OXCT1: variants seen among roughly 807,000 people sequenced by gnomAD.
OXCT1 encodes the protein 3-oxoacid CoA-transferase 1.
In OXCT1, 27 loss-of-function variants were observed where a neutral mutation model predicts 69.6. That is an observed-to-expected ratio of 0.39 (90% CI 0.29 to 0.54). The LOEUF (loss-of-function observed/expected upper bound fraction) is 0.54. OXCT1 is among the 20% of genes least tolerant of loss of function. The probability of loss-of-function intolerance (pLI) is 0.72; values close to 1 mark genes in which losing one functional copy is unlikely to be tolerated. For synonymous variants in OXCT1, 202 were observed against 217.8 expected (o/e 0.93, Z 0.64); for missense variants, 437 against 650.2 (o/e 0.67, Z 3.57).
chr5:41,856,548 T>A (rs891300921), intron 3 of OXCT1, among the ~76,000 whole-genome samples: 10 of 152,136 alleles, frequency 6.6e-5, no homozygotes, highest in African/African-American at 2.4e-4. Flanking sequence ...TTCTCAGAAT[T>A]TCATTTCCAA....
chr5:41,805,274 C>T (rs765943500), intron 9 of OXCT1, among the ~76,000 whole-genome samples: 5 of 151,848 alleles, frequency 3.3e-5, no homozygotes, highest in Non-Finnish European at 7.4e-5. Flanking sequence ...TCTCTTTTCC[C>T]AATAATCTCC....
At chr5:41,798,433 G>A (rs920472214) in intron 11 of OXCT1, among the ~76,000 whole-genome samples, 1 of 152,132 alleles carries the variant, frequency 6.6e-6, no homozygotes, top group Non-Finnish European at 1.5e-5. Context: ...TGTCCTGGTT[G>A]CTGTGGGATG....
intron 13 of OXCT1, 32 bp downstream of exon 13, chr5:41,793,971 A>G (rs1213444090): frequency 3.1e-6 from 4 of 1,288,286 alleles, no homozygotes; most frequent in Non-Finnish European, 4.5e-6. Context: ...TTCTGATCCA[A>G]ACATAATTCA....
chr5:41,848,910 C>T (rs1749050915), intron 5 of OXCT1, among the ~76,000 whole-genome samples: 1 of 152,158 alleles, frequency 6.6e-6, no homozygotes, highest in Non-Finnish European at 1.5e-5. Flanking sequence ...AAAGCAATGG[C>T]AACAAAAGCC....
intron 16 of OXCT1, among the ~76,000 whole-genome samples, chr5:41,735,206 A>G (rs1442474416): frequency 6.6e-6 from 1 of 152,222 alleles, no homozygotes; most frequent in African/African-American, 2.4e-5. Context: ...ATGTCTACCA[A>G]CAGATGAGTG....
At chr5:41,830,006 T>G (rs1748011387) in intron 7 of OXCT1, among the ~76,000 whole-genome samples, 1 of 152,212 alleles carries the variant, frequency 6.6e-6, no homozygotes, top group Non-Finnish European at 1.5e-5. Context: ...GTTAGGACAT[T>G]ACATTTTCAA....
intron 15 of OXCT1, among the ~76,000 whole-genome samples, chr5:41,746,153 TA>T: frequency 1.3e-5 from 2 of 152,240 alleles, no homozygotes; most frequent in Admixed American, 1.3e-4. Flanking sequence ...AAATCCTCAA[TA>T]AAATACTGGC....
intron 13 of OXCT1, among the ~76,000 whole-genome samples, chr5:41,782,974 G>T (rs1745482836): frequency 6.6e-6 from 1 of 152,142 alleles, no homozygotes; most frequent in African/African-American, 2.4e-5. Flanking sequence ...TGATATTAAA[G>T]AATTATATCC....
At chr5:41,769,007 T>C (rs969686235) in intron 13 of OXCT1, among the ~76,000 whole-genome samples, 1 of 152,302 alleles carries the variant, frequency 6.6e-6, no homozygotes, top group Admixed American at 6.5e-5. Flanking sequence ...AGGTTTCTCC[T>C]TCATACTATG....
At chr5:41,745,258 C>T (rs1002731615) in intron 15 of OXCT1, among the ~76,000 whole-genome samples, 4 of 151,944 alleles carry the variant, frequency 2.6e-5, no homozygotes, top group Non-Finnish European at 5.9e-5. Context: ...CACTCAAAAC[C>T]ACTCAACTAC....
At position 41,777,488 on chromosome 5, in the gene OXCT1, G is replaced by A. The variant is rs117405470; in HGVS notation, c.1249-15288C>T. 2.4e-3 allele frequency among the ~76,000 whole-genome samples: 365 copies of A among 152,232 alleles called. 4 individuals are homozygous for A. The highest frequency in any genetic ancestry group is 0.019 in the Admixed American group (291 of 15,304). On this transcript the variant is annotated intron_variant, in intron 13 of 16. Transcript: ENST00000196371. Reference sequence around the variant, plus strand: ...ACAGAACAAGTCAGAAAAAAAACTGGCTGAAGTCTTTTCCCCAGCCTCCAG... The same window carrying A: ...ACAGAACAAGTCAGAAAAAAAACTGACTGAAGTCTTTTCCCCAGCCTCCAG...
In OXCT1 at chr5:41,749,684, A is replaced by C. The variant is rs1743672145; in HGVS notation, c.1339-77T>G. On this transcript the variant is annotated intron_variant, in intron 14 of 16. Coordinates refer to ENST00000196371, the MANE Select transcript of OXCT1 (RefSeq NM_000436.4). Reference sequence around the variant, plus strand: ...TAGAATTGGCATAACTATAGGATAAACAGAAACTATCAGAGAAATTGTCTC... The same window carrying C: ...TAGAATTGGCATAACTATAGGATAACCAGAAACTATCAGAGAAATTGTCTC... 3.4e-6 allele frequency: 3 copies of C among 870,240 alleles called. No individual in the cohort carries two copies. In the East Asian group the frequency reaches 7.7e-5, roughly 22 times the overall value. 53.9% of individuals were successfully genotyped at this position (870,240 alleles called of 1,614,324 possible).
intron 7 of OXCT1, among the ~76,000 whole-genome samples, chr5:41,818,202 G>A (rs1440727589): frequency 2.6e-5 from 4 of 152,068 alleles, no homozygotes; most frequent in Admixed American, 6.6e-5. Flanking sequence ...GGTAACCAGA[G>A]TATCACAATA....
chr5:41,794,418 G>T (rs988223296), intron 12 of OXCT1: 2 of 595,858 alleles, frequency 3.4e-6, no homozygotes, highest in Admixed American at 3.0e-5. Context: ...TCCTCAGAAA[G>T]CACCTTAGAA....
At position 41,842,758 on chromosome 5, in the gene OXCT1, G is replaced by C. The variant is rs771806298; in HGVS notation, c.588C>G (p.His196Gln). 26 of 1,613,354 alleles carry C rather than the reference G, an allele frequency of 1.6e-5. No homozygotes were observed. In the South Asian group the frequency reaches 2.4e-4, roughly 15 times the overall value. Residue 196 changes from histidine (H) to glutamine (Q), a missense_variant, in exon 6 of 17, where the codon CAC (histidine) becomes CAG (glutamine). Transcript: ENST00000196371. ...CTGTAATTGCTTCCTCCAAAATAAA[G>C]TGCTGACCATTGAACTCCCTCACCT... ...PREVREFNGQ[H>Q]FILEEAITGD... is the part of the protein sequence containing the mutation.
At chr5:41,866,698 CAAG>C (rs1749993969) in intron 1 of OXCT1, among the ~76,000 whole-genome samples, 1 of 152,206 alleles carries the variant, frequency 6.6e-6, no homozygotes, top group South Asian at 2.1e-4. Context: ...GAATAAATCT[CAAG>C]GAGCTCACAG....
chr5:41,796,762 G>A (rs541948772), intron 11 of OXCT1, among the ~76,000 whole-genome samples: 62 of 152,274 alleles, frequency 4.1e-4, no homozygotes, highest in African/African-American at 1.3e-3. Context: ...CATGTAAGAC[G>A]TAGTGGATTA....
At chr5:41,827,561 A>G (rs2112351876) in intron 7 of OXCT1, among the ~76,000 whole-genome samples, 1 of 152,350 alleles carries the variant, frequency 6.6e-6, no homozygotes, top group East Asian at 1.9e-4. Context: ...TCAAGTGTGA[A>G]GTTCTGAACA....
At chr5:41,767,605 T>G (rs1285276312) in intron 13 of OXCT1, among the ~76,000 whole-genome samples, 1 of 150,988 alleles carries the variant, frequency 6.6e-6, no homozygotes, top group Non-Finnish European at 1.5e-5. Flanking sequence ...TCTGCTTGAC[T>G]GTGCCCTTGA....
Sources: gnomAD v4.1 joint callset for allele counts (sites outside exome capture counted in the v4.1 genomes callset) on GRCh38, gnomAD v4.1.1 for gene constraint, MANE v1.5 for transcripts, NCBI Gene and HGNC (gene_info 2026-07-23, HGNC 2026-07-21) for gene names.